CCDC63: variants seen among roughly 807,000 people sequenced by gnomAD.
CCDC63 encodes coiled-coil domain-containing protein 63.
Under a neutral mutation model 63.6 loss-of-function variants are expected in CCDC63, and 54 were observed. The observed-to-expected ratio is 0.85, with a 90% CI of 0.68 to 1.07. The LOEUF is 1.07. Ranked by LOEUF, CCDC63 falls within the 50% of genes least tolerant of loss-of-function variation. CCDC63 has a pLI of 0.00. For missense variants in CCDC63, 637 were observed against 689.6 expected (o/e 0.92, Z 0.86); for synonymous variants, 253 against 266.1 (o/e 0.95, Z 0.48).
At chr12:110,876,244 A>G (rs930513014) in intron 5 of CCDC63, among the ~76,000 whole-genome samples, 8 of 134,792 alleles carry the variant, frequency 5.9e-5, no homozygotes. Flanking sequence ...TTTCCCCCCC[A>G]CAATCAGAGG....
chr12:110,849,723 T>A (rs1310388511), intron 1 of CCDC63, among the ~76,000 whole-genome samples: 2 of 152,118 alleles, frequency 1.3e-5, no homozygotes, highest in Non-Finnish European at 2.9e-5. Flanking sequence ...GGTCTCAGTC[T>A]CCTGACCCCA....
At chr12:110,849,835 AC>A (rs1300468404) in intron 1 of CCDC63, among the ~76,000 whole-genome samples, 3 of 152,026 alleles carry the variant, frequency 2.0e-5, no homozygotes, top group Admixed American at 2.0e-4. Context: ...AATGGAATAT[AC>A]TTCTCCTTAT....
intron 4 of CCDC63, 43 bp downstream of exon 4, chr12:110,858,818 A>AG: frequency 6.4e-7 from 1 of 1,566,662 alleles, no homozygotes; most frequent in Middle Eastern, 1.7e-4. Flanking sequence ...CACAGAGCAA[A>AG]GGGGAGGAGT....
chr12:110,895,498 C>G (rs537667447), intron 9 of CCDC63, among the ~76,000 whole-genome samples: 3 of 152,332 alleles, frequency 2.0e-5, no homozygotes, highest in South Asian at 4.1e-4. Context: ...TTCTTGAAAC[C>G]CTTTATTTCA....
At position 110,889,046 on chromosome 12, in the gene CCDC63, A is replaced by AT. The variant is rs2071324955; in HGVS notation, c.1075-4024dup. ...ACCACCACACCCAGCTAATTTTTGT[A>AT]TTTTTTGCAGAGATGAGGTTTCAGT... is the stretch of plus-strand genomic sequence containing the variant. On this transcript the variant is annotated intron_variant, in intron 8 of 11. Transcript: ENST00000308208. The surrounding 1 kb of genome is among the most constrained non-coding windows in gnomAD (Gnocchi z 4.1). 1.3e-5 allele frequency among the ~76,000 whole-genome samples: 2 copies of AT among 151,576 alleles called. No individual in the cohort carries two copies. The highest frequency in any genetic ancestry group is 1.3e-4 in the Admixed American group (2 of 15,198).
At position 110,880,087 on chromosome 12, in the gene CCDC63, G is replaced by T. The variant is rs779970036; in HGVS notation, c.671G>T (p.Arg224Met). The T allele has an allele frequency of 1.2e-6, 2 of 1,613,630 alleles. No individual in the cohort carries two copies. Among genetic ancestry groups the T allele is most frequent in the South Asian group, 2.2e-5 (2 of 91,062 alleles). The part of the protein sequence containing the change: ...IEQSSQAYEQ[R>M]VEAMARMAAM... The stretch of plus-strand genomic sequence containing the variant: ...CAATCTTCTCAGGCCTATGAGCAGA[G>T]GTGGGCTGGGGATAGGTCCAGGGGC... Residue 224 changes from arginine to methionine, a missense_variant and splice_region_variant, in exon 6 of 12, where the codon AGG becomes ATG. Arg to Met is a moderately conservative substitution (Grantham distance 91, BLOSUM62 -1). Coordinates refer to ENST00000308208, the MANE Select transcript of CCDC63 (RefSeq NM_152591.3).
intron 4 of CCDC63, among the ~76,000 whole-genome samples, chr12:110,873,184 C>T (rs2071088141): frequency 6.6e-6 from 1 of 152,108 alleles, no homozygotes; most frequent in Non-Finnish European, 1.5e-5. Flanking sequence ...TGTGGTGAGC[C>T]AAGATCGCGC....
At chr12:110,853,692 T>C (rs770545380) in intron 3 of CCDC63, 118 bp downstream of exon 3, 19 of 1,071,420 alleles carry the variant, frequency 1.8e-5, no homozygotes, top group Admixed American at 1.2e-4. Flanking sequence ...CTGAGCCCCA[T>C]TGGAGGATCC....
intron 4 of CCDC63, among the ~76,000 whole-genome samples, chr12:110,861,191 G>A (rs907137062): frequency 6.6e-6 from 1 of 152,026 alleles, no homozygotes; most frequent in Non-Finnish European, 1.5e-5. Context: ...GTCTCCCCCA[G>A]GTCCCTCCTC....
chr12:110,901,042 G>A (rs951115382), intron 10 of CCDC63, among the ~76,000 whole-genome samples: 4 of 152,072 alleles, frequency 2.6e-5, no homozygotes, highest in Non-Finnish European at 5.9e-5. Context: ...ACAGTAAAAG[G>A]GTACAGAACA....
intron 10 of CCDC63, among the ~76,000 whole-genome samples, chr12:110,902,603 G>A (rs748128786): frequency 9.3e-5 from 14 of 150,262 alleles, no homozygotes; most frequent in Admixed American, 1.3e-4. Flanking sequence ...CCCTCTCACC[G>A]CAGTCCTAGT....
rs2071247403 is a variant in CCDC63, at chr12:110,884,145, T to C, written c.969T>C (p.Ile323=). 2 of 1,614,076 alleles carry C rather than the reference T, an allele frequency of 1.2e-6. No homozygotes were observed. The highest frequency in any genetic ancestry group is 1.7e-6 in the Non-Finnish European group (2 of 1,180,020). Reference sequence around the variant, plus strand: ...AGAGTGGGAACCTAAACCAGCTCATTGAAGATTTTCTGGCCAAGGAGGAGA... The same window carrying C: ...AGAGTGGGAACCTAAACCAGCTCATCGAAGATTTTCTGGCCAAGGAGGAGA... ...LAESGNLNQL[I]EDFLAKEEKN... The change falls in exon 8 of 12, where the codon ATT becomes ATC. Residue 323 remains isoleucine, a synonymous_variant. Transcript: ENST00000308208.
chr12:110,872,343 G>C (rs1476011987), intron 4 of CCDC63, among the ~76,000 whole-genome samples: 1 of 152,162 alleles, frequency 6.6e-6, no homozygotes, highest in African/African-American at 2.4e-5. Flanking sequence ...GCAGACCCCT[G>C]GCCTAAAAAC....
At chr12:110,860,353 A>G (rs2070837462) in intron 4 of CCDC63, among the ~76,000 whole-genome samples, 1 of 152,202 alleles carries the variant, frequency 6.6e-6, no homozygotes, top group Admixed American at 6.5e-5. Context: ...TCTTCCCACC[A>G]TTGTCATTAT....
intron 4 of CCDC63, among the ~76,000 whole-genome samples, chr12:110,869,730 C>CT (rs2071039114): frequency 6.6e-6 from 1 of 152,074 alleles, no homozygotes; most frequent in Non-Finnish European, 1.5e-5. Flanking sequence ...TAGAGAGACA[C>CT]TAACATTTTT....
At chr12:110,860,547 A>G (rs1410171106) in intron 4 of CCDC63, among the ~76,000 whole-genome samples, 2 of 152,364 alleles carry the variant, frequency 1.3e-5, no homozygotes, top group African/African-American at 4.8e-5. Flanking sequence ...ATTAATTGCT[A>G]TAAAGAAACG....
At position 110,879,893 on chromosome 12, in the gene CCDC63, G is replaced by A; in HGVS notation, c.490-13G>A. The stretch of plus-strand genomic sequence containing the variant: ...GAAATGAGACCTGTTTTGAAGCATG[G>A]CCCTTTCAACAGGTCACTGTTCACT... On this transcript the variant is annotated splice_polypyrimidine_tract_variant and intron_variant, in intron 5 of 11. Transcript: ENST00000308208. The A allele has an allele frequency of 6.2e-7, 1 of 1,612,826 alleles. No homozygotes were observed.
chr12:110,873,796 A>T, intron 4 of CCDC63, 46 bp from the exon 5 acceptor site: 2 of 1,605,990 alleles, frequency 1.2e-6, no homozygotes, highest in Non-Finnish European at 8.5e-7. Context: ...GGGTACCCAT[A>T]CAGATGCTAA....
chr12:110,870,636 C>T (rs1566124018), intron 4 of CCDC63, among the ~76,000 whole-genome samples: 2 of 152,150 alleles, frequency 1.3e-5, no homozygotes, highest in East Asian at 1.9e-4. Context: ...TCCCATTGCC[C>T]TTCTATGAGG....
Sources: gnomAD v4.1 joint callset for allele counts (sites outside exome capture counted in the v4.1 genomes callset) on GRCh38, gnomAD v4.1.1 for gene constraint, Gnocchi (gnomAD v3.1) non-coding constraint, MANE v1.5 for transcripts, NCBI Gene and HGNC (gene_info 2026-07-23, HGNC 2026-07-21) for gene names.